BCAS1: variants seen among roughly 807,000 people sequenced by gnomAD.
BCAS1 encodes the protein brain enriched myelin associated protein 1, also known as breast carcinoma-amplified sequence 1.
A neutral mutation model predicts 65.4 loss-of-function variants in BCAS1; 46 were observed. The ratio of observed to expected loss-of-function variants is 0.70; its 90% confidence interval spans 0.55 to 0.90. The LOEUF is 0.90. Among genes scored for constraint, BCAS1 ranks in the 40% least tolerant of loss-of-function variants. The probability of loss-of-function intolerance (pLI) is 0.00; values close to 1 mark genes in which losing one functional copy is unlikely to be tolerated. For missense variants in BCAS1, 793 were observed against 771.2 expected (o/e 1.03, Z -0.33); for synonymous variants, 298 against 293.5 (o/e 1.02, Z -0.16).
In BCAS1 at chr20:54,067,393, CAAAT is replaced by C. The variant is rs2092457646; in HGVS notation, c.-6+3036_-6+3039del. Reference sequence around the variant, plus strand: ...TCTCTCAATAAGTAAATAAATAAATCAAATAAAGTGAGGATTGAACAATTGAAGG... The same window carrying C: ...TCTCTCAATAAGTAAATAAATAAATCAAAGTGAGGATTGAACAATTGAAGG... On this transcript the variant is annotated intron_variant, in intron 1 of 12. Coordinates refer to ENST00000688948, the MANE Select transcript of BCAS1 (RefSeq NM_001366298.2). Among the ~76,000 whole-genome samples, 7 of 152,210 alleles carry C rather than the reference CAAAT, an allele frequency of 4.6e-5. No homozygotes were observed. In the South Asian group the frequency reaches 1.5e-3, roughly 32 times the overall value.
rs781615053 is a variant in BCAS1, at chr20:53,994,966, C to G, written c.927+46G>C. On this transcript the variant is annotated intron_variant, in intron 6 of 12. Transcript: ENST00000688948. The stretch of plus-strand genomic sequence containing the variant: ...GGCAGACACAAATCCAAATCCAATT[C>G]TATGCGCAAACCCAAATATATACAT... 3.8e-6 allele frequency: 6 copies of G among 1,558,534 alleles called. No individual in the cohort carries two copies. In the South Asian group the frequency reaches 4.5e-5, roughly 12 times the overall value.
chr20:53,948,507 G>C (rs1288962027), intron 12 of BCAS1, among the ~76,000 whole-genome samples: 1 of 152,342 alleles, frequency 6.6e-6, no homozygotes, highest in South Asian at 2.1e-4. Context: ...GCTGAGGAGG[G>C]GCACCCCCTT....
intron 3 of BCAS1, among the ~76,000 whole-genome samples, chr20:54,050,925 T>C (rs2092200949): frequency 6.6e-6 from 1 of 152,218 alleles, no homozygotes; most frequent in Non-Finnish European, 1.5e-5. Flanking sequence ...AGGTGGGTCT[T>C]TTGCAAAGAA....
intron 1 of BCAS1, among the ~76,000 whole-genome samples, chr20:54,065,681 A>G (rs2092431735): frequency 6.6e-6 from 1 of 152,156 alleles, no homozygotes; most frequent in Non-Finnish European, 1.5e-5. Flanking sequence ...GCATTTCTGA[A>G]AAGCACGTGA....
At chr20:54,001,719 G>A (rs916767413) in intron 4 of BCAS1, among the ~76,000 whole-genome samples, 1 of 152,064 alleles carries the variant, frequency 6.6e-6, no homozygotes, top group African/African-American at 2.4e-5. Context: ...TCTGAATTTT[G>A]GGGGGAAGCT....
Position 54,005,303 on chromosome 20 carries a change from A to AAAACAAAACAAAACAAAAC in BCAS1, c.724-9254_724-9253insGTTTTGTTTTGTTTTGTTT, listed in dbSNP as rs141938747. ...AGACCTTGTCTCTATGAAACAAAGC[A>AAAACAAAACAAAACAAAAC]AAAACAAAACAAAACAAAACAAAAC... On this transcript the variant is annotated intron_variant, in intron 4 of 12. Coordinates refer to ENST00000688948, the MANE Select transcript of BCAS1 (RefSeq NM_001366298.2). 8.5e-4 allele frequency among the ~76,000 whole-genome samples: 126 copies of AAAACAAAACAAAACAAAAC among 148,376 alleles called. No homozygotes were observed. The South Asian group carries it at 0.013, about 16-fold the overall frequency.
At chr20:54,057,290 G>A (rs290427) in intron 3 of BCAS1, among the ~76,000 whole-genome samples, 76,262 of 151,984 alleles carry the variant, frequency 0.5, 19,384 homozygotes, top group South Asian at 0.63. Context: ...TGGGGAAAAG[G>A]AATATATGAA....
chr20:54,036,932 A>G (rs1236880142), intron 3 of BCAS1, among the ~76,000 whole-genome samples: 2 of 151,338 alleles, frequency 1.3e-5, no homozygotes, highest in Non-Finnish European at 3.0e-5. Context: ...ATCATTTTCA[A>G]AGTACCAAAT....
At chr20:54,067,766 G>C (rs185559962) in intron 1 of BCAS1, among the ~76,000 whole-genome samples, 77 of 152,328 alleles carry the variant, frequency 5.1e-4, no homozygotes, top group African/African-American at 1.5e-3. Context: ...GAATGGGAGG[G>C]GGGGTGGTTT....
intron 3 of BCAS1, among the ~76,000 whole-genome samples, chr20:54,030,694 G>T (rs542864855): frequency 2.0e-5 from 3 of 151,396 alleles, no homozygotes; most frequent in South Asian, 2.1e-4. Flanking sequence ...AACAAAAAAG[G>T]GGGGAGAGTG....
intron 8 of BCAS1, among the ~76,000 whole-genome samples, chr20:53,976,682 CT>C (rs2145710985): frequency 6.6e-6 from 1 of 152,276 alleles, no homozygotes; most frequent in South Asian, 2.1e-4. Flanking sequence ...AAATTTTCCC[CT>C]GCTATGATGA....
At chr20:54,021,393 C>T (rs772638364) in intron 4 of BCAS1, among the ~76,000 whole-genome samples, 4 of 93,408 alleles carry the variant, frequency 4.3e-5, no homozygotes, top group Non-Finnish European at 1.1e-4. Flanking sequence ...AATAGCATTA[C>T]GTCTAAAAAA....
chr20:53,989,241 C>A (rs1477050239), intron 7 of BCAS1, among the ~76,000 whole-genome samples: 1 of 152,114 alleles, frequency 6.6e-6, no homozygotes, highest in South Asian at 2.1e-4. Flanking sequence ...TGATCAGTTT[C>A]ATAGGGAAGT....
intron 3 of BCAS1, among the ~76,000 whole-genome samples, chr20:54,049,686 G>A (rs1254304988): frequency 6.6e-6 from 1 of 151,922 alleles, no homozygotes; most frequent in Non-Finnish European, 1.5e-5. Flanking sequence ...GATTTTAGGC[G>A]TGAGCCACTG....
At chr20:54,062,990 GTCCAA>G (rs2092394259) in intron 1 of BCAS1, among the ~76,000 whole-genome samples, 1 of 152,190 alleles carries the variant, frequency 6.6e-6, no homozygotes, top group Admixed American at 6.5e-5. Context: ...ACAGGACTAG[GTCCAA>G]ACAACTGGGA....
intron 12 of BCAS1, among the ~76,000 whole-genome samples, chr20:53,950,722 G>A (rs1406762520): frequency 2.0e-5 from 3 of 152,072 alleles, no homozygotes; most frequent in South Asian, 2.1e-4. Context: ...TACCTCCAGC[G>A]CCTAGTTCAA....
intron 4 of BCAS1, among the ~76,000 whole-genome samples, chr20:54,011,615 C>T (rs190704096): frequency 1.3e-5 from 2 of 152,244 alleles, no homozygotes; most frequent in African/African-American, 2.4e-5. Flanking sequence ...GCAAGAAACT[C>T]GATTACTCAC....
intron 12 of BCAS1, among the ~76,000 whole-genome samples, chr20:53,945,458 TTTGTTACATA>T (rs1413276867): frequency 1.3e-5 from 2 of 152,106 alleles, no homozygotes; most frequent in Non-Finnish European, 2.9e-5. Flanking sequence ...AATGTGCAGG[TTTGTTACATA>T]TGTATACATG....
At chr20:53,993,751 A>G (rs2090826555) in intron 6 of BCAS1, among the ~76,000 whole-genome samples, 1 of 152,236 alleles carries the variant, frequency 6.6e-6, no homozygotes, top group Non-Finnish European at 1.5e-5. Flanking sequence ...ACTTGACCCT[A>G]TGACCTCGGA....
Sources: allele counts gnomAD v4.1 joint callset (sites outside exome capture counted in the v4.1 genomes callset), GRCh38; gene constraint gnomAD v4.1.1; transcripts MANE v1.5; gene names NCBI Gene and HGNC (gene_info 2026-07-23, HGNC 2026-07-21).